The following PRMT8 variants were observed in gnomAD, a reference collection of about 807,000 sequenced individuals.
PRMT8 encodes the protein protein arginine N-methyltransferase 8.
Under a neutral mutation model 47.1 loss-of-function variants are expected in PRMT8, and 7 were observed. That is an observed-to-expected ratio of 0.15 (90% CI 0.08 to 0.28). The LOEUF is 0.28. Ranked by LOEUF, PRMT8 falls within the 10% of genes least tolerant of loss-of-function variation. The pLI is 1.00. For missense variants in PRMT8, 237 were observed against 505.4 expected, an observed-to-expected ratio of 0.47 and a Z score of 5.09; for synonymous variants, 188 against 186.5, an observed-to-expected ratio of 1.01 and a Z score of -0.07.
intron 1 of PRMT8, among the ~76,000 whole-genome samples, chr12:3,420,974 C>T (rs757431613): frequency 6.6e-6 from 1 of 152,198 alleles, no homozygotes; most frequent in African/African-American, 2.4e-5. Flanking sequence ...TTCAGTCGAG[C>T]TGGAACCTGA....
Position 3,569,419 on chromosome 12 carries a change from T to G in PRMT8, c.625-58T>G. 7.1e-7 allele frequency: 1 copy of G among 1,410,774 alleles called. No homozygotes were observed. The highest frequency in any genetic ancestry group is 1.2e-5 in the South Asian group (1 of 86,862). The allele number at this position is 1,410,774 out of a possible 1,614,324, so 87.4% of individuals were successfully genotyped here. A position where few individuals can be genotyped will look rare whatever the true frequency, so the allele number is the denominator to read the frequency against. On this transcript the variant is annotated intron_variant, in intron 5 of 9. Transcript: ENST00000382622. This position sits in a 1 kb window ranked among gnomAD's most constrained non-coding sequence, Gnocchi z 8.2. ...GTGACTCTATGTGCAGTTCAAAATGTGATGTCTTTGTCAGGTGAATAGATT... is the reference window on the plus strand; with the variant it reads ...GTGACTCTATGTGCAGTTCAAAATGGGATGTCTTTGTCAGGTGAATAGATT...
In PRMT8 at chr12:3,493,211, A is replaced by G. The variant is rs1441115642; in HGVS notation, c.75+1511A>G. Among the ~76,000 whole-genome samples the G allele has an allele frequency of 2.0e-5, 3 of 151,824 alleles. No individual in the cohort carries two copies. Among genetic ancestry groups the G allele is most frequent in the African/African-American group, 7.3e-5 (3 of 41,308 alleles). ...CCTGCGTGCCCGCCGTCCCCTCACC[A>G]CTTCCTCTTCCCCAGCCCCCACCTG... is the stretch of plus-strand genomic sequence containing the variant. On this transcript the variant is annotated intron_variant, in intron 1 of 9. Coordinates refer to ENST00000382622, the MANE Select transcript of PRMT8 (RefSeq NM_019854.5). The surrounding 1 kb of genome is among the most constrained non-coding windows in gnomAD (Gnocchi z 8.2).
intron 1 of PRMT8, among the ~76,000 whole-genome samples, chr12:3,435,443 T>G (rs1381496553): frequency 2.6e-5 from 4 of 151,610 alleles, no homozygotes; most frequent in African/African-American, 9.7e-5. Context: ...CAGTTCATCC[T>G]GCAGAAATGC....
Position 3,538,936 on chromosome 12 carries a change from A to G in PRMT8, c.76-1670A>G, listed in dbSNP as rs1866171287. Reference sequence around the variant, plus strand: ...AGGGCGGTAGCCTAGGTACACTGGGAAGATGGGACCATCCCACTGCCCCCA... The same window carrying G: ...AGGGCGGTAGCCTAGGTACACTGGGGAGATGGGACCATCCCACTGCCCCCA... On this transcript the variant is annotated intron_variant, in intron 1 of 9. Transcript: ENST00000382622. This position sits in a 1 kb window ranked among gnomAD's most constrained non-coding sequence, Gnocchi z 4.6. Among the ~76,000 whole-genome samples the G allele has an allele frequency of 6.6e-6, 1 of 152,192 alleles. No homozygotes were observed.
At chr12:3,433,311 C>CA (rs1189610040) in intron 1 of PRMT8, among the ~76,000 whole-genome samples, 1 of 152,248 alleles carries the variant, frequency 6.6e-6, no homozygotes, top group African/African-American at 2.4e-5. Flanking sequence ...CTTTGACAGA[C>CA]ATACCCTTCA....
At chr12:3,504,987 T>G (rs1356578912) in intron 1 of PRMT8, among the ~76,000 whole-genome samples, 1 of 118,594 alleles carries the variant, frequency 8.4e-6, no homozygotes. Flanking sequence ...GTCACCCCTT[T>G]CTTTGACTCG....
chr12:3,558,948 G>GGCTATCTACCTATCTA (rs1276847106), intron 4 of PRMT8, among the ~76,000 whole-genome samples: 7 of 112,700 alleles, frequency 6.2e-5, no homozygotes, highest in African/African-American at 2.9e-4. Flanking sequence ...ACATTTATCT[G>GGCTATCTACCTATCTA]TCTATCTATC....
intron 1 of PRMT8, among the ~76,000 whole-genome samples, chr12:3,435,520 T>G (rs541710324): frequency 1.3e-3 from 195 of 151,580 alleles, no homozygotes; most frequent in Non-Finnish European, 1.0e-3. Flanking sequence ...TTTCTTCTTT[T>G]TTTTTCTTTT....
intron 1 of PRMT8, among the ~76,000 whole-genome samples, chr12:3,473,546 G>A (rs1865180854): frequency 6.6e-6 from 1 of 152,024 alleles, no homozygotes; most frequent in Non-Finnish European, 1.5e-5. Context: ...TGGGTGAGCT[G>A]ATTCTCTTCA....
chr12:3,471,352 C>T (rs1358818054), intron 1 of PRMT8, among the ~76,000 whole-genome samples: 1 of 152,118 alleles, frequency 6.6e-6, no homozygotes, highest in Non-Finnish European at 1.5e-5. Flanking sequence ...CAGAATCCCT[C>T]AGGGCCACAG....
intron 1 of PRMT8, among the ~76,000 whole-genome samples, chr12:3,532,647 C>G (rs1281703500): frequency 2.9e-5 from 4 of 138,908 alleles, no homozygotes; most frequent in Non-Finnish European, 4.8e-5. Flanking sequence ...AAAAAGAGCT[C>G]TCTCTTTAGC....
upstream of PRMT8, among the ~76,000 whole-genome samples, chr12:3,487,451 C>G (rs1235407813): frequency 6.6e-6 from 1 of 152,166 alleles, no homozygotes; most frequent in African/African-American, 2.4e-5. Context: ...ATGGTACAGT[C>G]TTCACCTTCT....
intron 1 of PRMT8, among the ~76,000 whole-genome samples, chr12:3,396,425 C>T (rs1368984917): frequency 1.3e-5 from 2 of 152,120 alleles, no homozygotes; most frequent in Non-Finnish European, 2.9e-5. Flanking sequence ...CAAAATCTCT[C>T]AGCATTTGCT....
rs551784901 is a variant in PRMT8, at chr12:3,566,586, T to C, written c.482-2120T>C. ...CCACATAGTGGAGAGTAAACTGTTATTAGAAGCTGCTAATGGACACTCCAT... is the reference window on the plus strand; with the variant it reads ...CCACATAGTGGAGAGTAAACTGTTACTAGAAGCTGCTAATGGACACTCCAT... On this transcript the variant is annotated intron_variant, in intron 4 of 9. Coordinates refer to ENST00000382622, the MANE Select transcript of PRMT8 (RefSeq NM_019854.5). This position sits in a 1 kb window ranked among gnomAD's most constrained non-coding sequence, Gnocchi z 4.7. Among the ~76,000 whole-genome samples, 1 of 152,324 alleles carries C rather than the reference T, an allele frequency of 6.6e-6. No homozygotes were observed. Among genetic ancestry groups the C allele is most frequent in the Admixed American group, 6.5e-5 (1 of 15,300 alleles).
At chr12:3,462,394 G>C (rs1465838353) in intron 1 of PRMT8, among the ~76,000 whole-genome samples, 1 of 152,014 alleles carries the variant, frequency 6.6e-6, no homozygotes, top group South Asian at 2.1e-4. Flanking sequence ...CTGGTACTGG[G>C]TTGTTCGTTA....
rs1591569426 is a variant in PRMT8, at chr12:3,493,126, G to A, written c.75+1426G>A. On this transcript the variant is annotated intron_variant, in intron 1 of 9. Coordinates refer to ENST00000382622, the MANE Select transcript of PRMT8 (RefSeq NM_019854.5). The surrounding 1 kb of genome is among the most constrained non-coding windows in gnomAD (Gnocchi z 8.2). ...GTCAATTTCAAAACAAACACGCTCC[G>A]GGACTTGAACGCAGCGGGGCATTCA... is the stretch of plus-strand genomic sequence containing the variant. 6.6e-6 allele frequency among the ~76,000 whole-genome samples: 1 copy of A among 152,136 alleles called. No homozygotes were observed. The highest frequency in any genetic ancestry group is 1.5e-5 in the Non-Finnish European group (1 of 68,026).
At chr12:3,457,199 T>C (rs1864984158) in intron 1 of PRMT8, among the ~76,000 whole-genome samples, 1 of 152,200 alleles carries the variant, frequency 6.6e-6, no homozygotes, top group African/African-American at 2.4e-5. Context: ...TGCTGGGCTC[T>C]CAGAGCTGTG....
upstream of PRMT8, among the ~76,000 whole-genome samples, chr12:3,487,346 A>G (rs1348849684): frequency 3.9e-4 from 1 of 2,578 alleles, no homozygotes; most frequent in Non-Finnish European, 6.8e-4. Flanking sequence ...CCCAGGCAGC[A>G]TGGTCCGCAG....
chr12:3,577,084 G>C (rs1017530586), intron 7 of PRMT8, 98 bp downstream of exon 7: 15 of 1,003,228 alleles, frequency 1.5e-5, no homozygotes, highest in Admixed American at 7.8e-5. Flanking sequence ...GCCCCCACCT[G>C]GTGAGGCAAG....
Sources: allele counts gnomAD v4.1 joint callset (sites outside exome capture counted in the v4.1 genomes callset), GRCh38; gene constraint gnomAD v4.1.1; non-coding constraint Gnocchi (gnomAD v3.1); transcripts MANE v1.5; gene names NCBI Gene and HGNC (gene_info 2026-07-23, HGNC 2026-07-21).